The following PTPRE variants were observed in gnomAD, a reference collection of about 807,000 sequenced individuals.
PTPRE encodes the protein receptor-type tyrosine-protein phosphatase epsilon.
Under a neutral mutation model 102.0 loss-of-function variants are expected in PTPRE, and 51 were observed. The ratio of observed to expected loss-of-function variants is 0.50; its 90% CI spans 0.40 to 0.63. PTPRE has a LOEUF of 0.63. PTPRE is among the 30% of genes least tolerant of loss of function. PTPRE has a pLI of 0.00. For synonymous variants in PTPRE, 345 were observed against 348.2 expected (o/e 0.99, Z 0.10); for missense variants, 752 against 915.1 (o/e 0.82, Z 2.30).
chr10:128,085,824 G>GATGC lies in PTPRE; in HGVS notation c.*2920_*2923dup, dbSNP rs926054005. On this transcript the variant is annotated 3_prime_UTR_variant, in exon 21 of 21. Transcript: ENST00000254667. ...CAAATTGCAAGATTTAAACCATTCT[G>GATGC]ATGCAAGGATAAACCTTTACTTTGA... 2.3e-5 allele frequency: 3 copies of GATGC among 129,270 alleles called. No homozygotes were observed. In the Admixed American group the frequency reaches 2.9e-4, roughly 12 times the overall value. 8.0% of individuals were successfully genotyped at this position (129,270 alleles called of 1,614,324 possible). A position where few individuals can be genotyped will look rare whatever the true frequency, so the allele number is the denominator to read the frequency against.
At chr10:127,997,407 C>G (rs921656104) in intron 2 of PTPRE, among the ~76,000 whole-genome samples, 9 of 152,158 alleles carry the variant, frequency 5.9e-5, no homozygotes, top group Non-Finnish European at 1.2e-4. Context: ...ACATCCTCCC[C>G]CAACCTGGAC....
In PTPRE at chr10:128,021,749, T is replaced by A. The variant is rs373211430; in HGVS notation, c.-7-19126T>A. On this transcript the variant is annotated intron_variant, in intron 2 of 20. Transcript: ENST00000254667. ...CCACAGCAGGTCACGGGACCACAGG[T>A]GCCTGCTATGAAGGAGGGAAGACAG... Among the ~76,000 whole-genome samples the A allele has an allele frequency of 7.2e-5, 11 of 152,354 alleles. No individual in the cohort carries two copies. The East Asian group carries it at 1.9e-3, about 27-fold the overall frequency.
At chr10:128,055,104 G>A (rs144535149) in intron 6 of PTPRE, among the ~76,000 whole-genome samples, 39 of 152,222 alleles carry the variant, frequency 2.6e-4, no homozygotes, top group Admixed American at 4.6e-4. Context: ...TCCTTCCACC[G>A]TACCTGGCGC....
At chr10:127,976,044 T>C (rs892052501) in intron 1 of PTPRE, among the ~76,000 whole-genome samples, 12 of 152,074 alleles carry the variant, frequency 7.9e-5, no homozygotes, top group Non-Finnish European at 1.2e-4. Context: ...AGTGGCTGTT[T>C]CTTCTGCAAG....
At chr10:128,037,203 C>T (rs962517403) in intron 2 of PTPRE, among the ~76,000 whole-genome samples, 1 of 152,228 alleles carries the variant, frequency 6.6e-6, no homozygotes, top group African/African-American at 2.4e-5. Context: ...TACCCAATTC[C>T]TCTTCAGACT....
chr10:128,065,424 A>C (rs1849995674), intron 10 of PTPRE, among the ~76,000 whole-genome samples: 1 of 152,224 alleles, frequency 6.6e-6, no homozygotes, highest in Admixed American at 6.5e-5. Flanking sequence ...GCGGTGCTGC[A>C]AAATGAAAGG....
intron 2 of PTPRE, among the ~76,000 whole-genome samples, chr10:128,018,326 A>G (rs1845600191): frequency 6.6e-6 from 1 of 152,194 alleles, no homozygotes; most frequent in African/African-American, 2.4e-5. Flanking sequence ...AGCAGTGCTC[A>G]TCACAGGCAC....
intron 1 of PTPRE, among the ~76,000 whole-genome samples, chr10:127,977,035 G>A (rs1316254172): frequency 5.3e-5 from 8 of 152,164 alleles, no homozygotes; most frequent in Non-Finnish European, 4.4e-5. Flanking sequence ...TTTATTTGGA[G>A]TAATGATCCT....
intron 1 of PTPRE, among the ~76,000 whole-genome samples, chr10:127,938,435 G>A (rs1847985701): frequency 6.6e-6 from 1 of 152,092 alleles, no homozygotes; most frequent in African/African-American, 2.4e-5. Flanking sequence ...TGGGAGGAGT[G>A]TCAAGGCAAA....
At chr10:128,074,053 A>G (rs1242635131) in intron 17 of PTPRE, among the ~76,000 whole-genome samples, 1 of 152,238 alleles carries the variant, frequency 6.6e-6, no homozygotes, top group Non-Finnish European at 1.5e-5. Flanking sequence ...TCAACCCAAA[A>G]GGAAACCTCG....
intron 1 of PTPRE, among the ~76,000 whole-genome samples, chr10:127,977,927 G>A (rs1851307915): frequency 6.6e-6 from 1 of 152,118 alleles, no homozygotes; most frequent in Non-Finnish European, 1.5e-5. Context: ...TGAGCTCCAG[G>A]GACTCACCAG....
chr10:127,935,135 C>T (rs781641248), intron 1 of PTPRE, among the ~76,000 whole-genome samples: 1 of 152,188 alleles, frequency 6.6e-6, no homozygotes, highest in African/African-American at 2.4e-5. Flanking sequence ...CTGTCTCCCC[C>T]AGCAGTCCCC....
At chr10:127,912,815 T>C (rs1417092399) in intron 1 of PTPRE, among the ~76,000 whole-genome samples, 1 of 152,168 alleles carries the variant, frequency 6.6e-6, no homozygotes, top group Non-Finnish European at 1.5e-5. Context: ...TGCATGTATG[T>C]GACATGGAGA....
At chr10:128,049,503 GC>G in intron 5 of PTPRE, 26 bp from the exon 6 acceptor site, 1 of 1,611,766 alleles carries the variant, frequency 6.2e-7, no homozygotes, top group Non-Finnish European at 8.5e-7. Flanking sequence ...TGGCTAAATG[GC>G]CCCCATGTTT....
At chr10:128,040,489 C>T (rs538107440) in intron 2 of PTPRE, among the ~76,000 whole-genome samples, 92 of 152,050 alleles carry the variant, frequency 6.1e-4, no homozygotes, top group South Asian at 1.9e-3. Flanking sequence ...GTTAGCAGGG[C>T]GAGTGGAGGG....
intron 1 of PTPRE, among the ~76,000 whole-genome samples, chr10:127,947,172 A>T (rs1848683756): frequency 6.6e-6 from 1 of 152,228 alleles, no homozygotes; most frequent in Admixed American, 6.5e-5. Context: ...ACTCTTGTGC[A>T]TTGTTCAATT....
chr10:128,049,259 G>A (rs756886632), intron 5 of PTPRE, among the ~76,000 whole-genome samples: 2 of 152,182 alleles, frequency 1.3e-5, no homozygotes, highest in African/African-American at 4.8e-5. Flanking sequence ...GAGTGGCCTC[G>A]GGAGGGGGAC....
intron 6 of PTPRE, among the ~76,000 whole-genome samples, chr10:128,054,823 C>T (rs779932019): frequency 3.9e-5 from 6 of 152,102 alleles, no homozygotes; most frequent in East Asian, 3.9e-4. Flanking sequence ...CAGGCCTGCA[C>T]GGCTTGGATC....
Position 128,076,723 on chromosome 10 carries a change from A to T in PTPRE, c.1720A>T (p.Asn574Tyr). ...TATACGAGACTTTCTGGTCACTCTC[A>T]ATCAGGTATTGTTGAAGTAGCTCTT... ...ISIRDFLVTL[N>Y]QPQARQEEQV... The change falls in exon 18 of 21, where the codon AAT (asparagine) becomes TAT (tyrosine). Residue 574 changes from asparagine to tyrosine, a missense_variant. Physicochemically the swap from Asn to Tyr is moderately radical, Grantham distance 143. This residue lies in a region of PTPRE where 636 missense variants were observed against 824.4 expected (regional missense o/e 0.77). Transcript: ENST00000254667. The T allele has an allele frequency of 6.2e-7, 1 of 1,611,512 alleles. No homozygotes were observed. The highest frequency in any genetic ancestry group is 8.5e-7 in the Non-Finnish European group (1 of 1,179,352).
Sources: gnomAD v4.1 joint callset for allele counts (sites outside exome capture counted in the v4.1 genomes callset) on GRCh38, gnomAD v4.1.1 for gene constraint, gnomAD v4.1.1 regional missense constraint, MANE v1.5 for transcripts, NCBI Gene and HGNC (gene_info 2026-07-23, HGNC 2026-07-21) for gene names.